The following SEZ6L variants were observed in gnomAD, a reference collection of about 807,000 sequenced individuals.
SEZ6L encodes seizure related 6 homolog like, also known as seizure 6-like protein.
A neutral mutation model predicts 106.2 loss-of-function variants in SEZ6L; 37 were observed. The ratio of observed to expected loss-of-function variants is 0.35; its 90% confidence interval spans 0.27 to 0.46. The LOEUF (loss-of-function observed/expected upper bound fraction) is 0.46, where lower values mean the gene tolerates loss of function less well. Among genes scored for constraint, SEZ6L ranks in the 20% least tolerant of loss-of-function variants. The pLI, the probability that SEZ6L is intolerant of heterozygous loss-of-function variation, is 1.00. For synonymous variants in SEZ6L, 541 were observed against 570.4 expected (o/e 0.95, Z 0.73); for missense variants, 1,172 against 1,332.8 (o/e 0.88, Z 1.88).
At chr22:26,190,175 T>G (rs1940098261) in intron 1 of SEZ6L, among the ~76,000 whole-genome samples, 1 of 151,676 alleles carries the variant, frequency 6.6e-6, no homozygotes, top group African/African-American at 2.4e-5. Context: ...CTTTGACCAT[T>G]TGGAAGTTTT....
At chr22:26,240,103 C>T (rs1239661455) in intron 1 of SEZ6L, among the ~76,000 whole-genome samples, 1 of 151,742 alleles carries the variant, frequency 6.6e-6, no homozygotes, top group South Asian at 2.1e-4. Flanking sequence ...CACACACACA[C>T]ACACACACAC....
At chr22:26,355,261 T>C (rs1406861767) in intron 12 of SEZ6L, among the ~76,000 whole-genome samples, 1 of 152,210 alleles carries the variant, frequency 6.6e-6, no homozygotes, top group African/African-American at 2.4e-5. Context: ...TGAGTAGCTT[T>C]CCTGAGGTCA....
intron 1 of SEZ6L, among the ~76,000 whole-genome samples, chr22:26,246,830 T>G (rs944187660): frequency 8.5e-5 from 13 of 152,222 alleles, no homozygotes; most frequent in Non-Finnish European, 1.9e-4. Context: ...CCCCCTTCAT[T>G]AGCACAGTAC....
rs13057117 is a variant in SEZ6L at position 26,239,813 on chromosome 22, G to A, written c.95-52593G>A. On this transcript the variant is annotated intron_variant, in intron 1 of 16. Transcript: ENST00000248933. ...CCAAATGCATCCTGAACCTGCTGGC[G>A]TGACCTTCTGTTGCTGCATGCAGGC... Among the ~76,000 whole-genome samples the A allele has an allele frequency of 6.0e-3, 912 of 152,026 alleles. 16 individuals carry two copies. Among genetic ancestry groups the A allele is most frequent in the Admixed American group, 0.037 (565 of 15,266 alleles).
intron 3 of SEZ6L, among the ~76,000 whole-genome samples, chr22:26,295,747 T>C (rs963695860): frequency 2.1e-4 from 32 of 152,292 alleles, no homozygotes; most frequent in Admixed American, 1.6e-3. Flanking sequence ...GGCAAAGCTG[T>C]TGACACAGGA....
intron 1 of SEZ6L, among the ~76,000 whole-genome samples, chr22:26,290,828 C>T (rs2081086249): frequency 6.6e-6 from 1 of 152,238 alleles, no homozygotes; most frequent in Non-Finnish European, 1.5e-5. Context: ...CTCTGCCCAG[C>T]CTCCAAGCCT....
At chr22:26,213,543 C>A (rs377497276) in intron 1 of SEZ6L, among the ~76,000 whole-genome samples, 1 of 152,192 alleles carries the variant, frequency 6.6e-6, no homozygotes, top group Non-Finnish European at 1.5e-5. Flanking sequence ...ATCACTAACC[C>A]GGGGCTATCC....
At chr22:26,375,763 C>T in intron 15 of SEZ6L, 74 bp downstream of exon 15, 2 of 1,117,594 alleles carry the variant, frequency 1.8e-6, no homozygotes, top group Non-Finnish European at 2.6e-6. Context: ...CGGTTCACCT[C>T]TCTGAGCCTC....
At chr22:26,373,553 T>G in intron 14 of SEZ6L, 70 bp downstream of exon 14, 1 of 1,165,354 alleles carries the variant, frequency 8.6e-7, no homozygotes, top group Non-Finnish European at 1.2e-6. Context: ...GGGCAGGTCT[T>G]TGAATATCTT....
At chr22:26,226,661 C>A (rs1178409010) in intron 1 of SEZ6L, among the ~76,000 whole-genome samples, 1 of 152,148 alleles carries the variant, frequency 6.6e-6, no homozygotes, top group African/African-American at 2.4e-5. Context: ...ACTGAACACC[C>A]AACCCCCTCC....
chr22:26,170,110 C>A (rs1350556170), intron 1 of SEZ6L, among the ~76,000 whole-genome samples: 1 of 152,074 alleles, frequency 6.6e-6, no homozygotes, highest in African/African-American at 2.4e-5. Context: ...TGCAACCGCA[C>A]CCGGGGCTAG....
chr22:26,284,604 CAAAAAAAAAAAAAA>C (rs137198), intron 1 of SEZ6L, among the ~76,000 whole-genome samples: 1 of 64,034 alleles, frequency 1.6e-5, no homozygotes, highest in Non-Finnish European at 3.2e-5. Flanking sequence ...ATCAGGACTC[CAAAAAAAAAAAAAA>C]AAAAAAAAAA....
At chr22:26,302,002 T>C (rs2081468308) in intron 5 of SEZ6L, among the ~76,000 whole-genome samples, 1 of 152,088 alleles carries the variant, frequency 6.6e-6, no homozygotes, top group South Asian at 2.1e-4. Context: ...GCAAAAATGA[T>C]TGAGGATGGT....
rs180783604 is a variant in SEZ6L at position 26,352,061 on chromosome 22, T to C, written c.2599+818T>C. On this transcript the variant is annotated intron_variant, in intron 12 of 16. Coordinates refer to ENST00000248933, the MANE Select transcript of SEZ6L (RefSeq NM_021115.5). ...CTATTATCCCAGCTGCTCAGGAGGCTGAGGTGGGAGGATTGCTTGAGCCCA... is the reference window on the plus strand; with the variant it reads ...CTATTATCCCAGCTGCTCAGGAGGCCGAGGTGGGAGGATTGCTTGAGCCCA... Among the ~76,000 whole-genome samples, 60 of 150,928 alleles carry C rather than the reference T, an allele frequency of 4.0e-4. No individual in the cohort carries two copies. The East Asian group carries it at 0.011, about 28-fold the overall frequency.
At chr22:26,330,569 G>T (rs2082449321) in intron 9 of SEZ6L, among the ~76,000 whole-genome samples, 1 of 152,128 alleles carries the variant, frequency 6.6e-6, no homozygotes, top group South Asian at 2.1e-4. Flanking sequence ...AAGGGTCTAG[G>T]AGCTGCAAGG....
Position 26,336,563 on chromosome 22 carries a change from T to TA in SEZ6L, c.2016-3873_2016-3872insA, listed in dbSNP as rs150780805. On this transcript the variant is annotated intron_variant, in intron 9 of 16. Transcript: ENST00000248933. ...GAAAGTGGAAATCCACTGCACCTAT[T>TA]GTCTTGTTCTTAGCTTAGGGAGACA... Among the ~76,000 whole-genome samples, 12 of 152,304 alleles carry TA rather than the reference T, an allele frequency of 7.9e-5. No homozygotes were observed. The East Asian group carries it at 1.9e-3, about 24-fold the overall frequency.
rs146955376 is a variant in SEZ6L, at chr22:26,241,575, C to T, written c.95-50831C>T. On this transcript the variant is annotated intron_variant, in intron 1 of 16. Coordinates refer to ENST00000248933, the MANE Select transcript of SEZ6L (RefSeq NM_021115.5). ...CGTTCAATACATAGCAATTACACGG[C>T]GAGTTTTGCTCATTAGCGGGAAATT... is the stretch of plus-strand genomic sequence containing the variant. 5.1e-3 allele frequency among the ~76,000 whole-genome samples: 774 copies of T among 152,224 alleles called. 2 individuals are homozygous for T. Among genetic ancestry groups the T allele is most frequent in the Non-Finnish European group, 8.0e-3 (542 of 68,034 alleles).
chr22:26,169,777 G>T lies in SEZ6L; in HGVS notation c.94+14G>T, dbSNP rs1269461000. ...CGCTGGAGCGAGGTAAGCGCCCCGA[G>T]GGGCGGGGCGGGCAGGGGGCAAAGT... On this transcript the variant is annotated intron_variant, in intron 1 of 16. Transcript: ENST00000248933. The T allele has an allele frequency of 9.8e-6, 12 of 1,224,878 alleles. No homozygotes were observed. The highest frequency in any genetic ancestry group is 4.2e-5 in the Admixed American group (1 of 23,658). 75.9% of individuals were successfully genotyped at this position (1,224,878 alleles called of 1,614,324 possible).
chr22:26,173,423 G>A lies in SEZ6L; in HGVS notation c.94+3660G>A, dbSNP rs146986544. ...AGATGAGAATTTGACCTTGCCTGGTGCAGACACCCTTCCCTTCCAAACTCT... is the reference window on the plus strand; with the variant it reads ...AGATGAGAATTTGACCTTGCCTGGTACAGACACCCTTCCCTTCCAAACTCT... On this transcript the variant is annotated intron_variant, in intron 1 of 16. Coordinates refer to ENST00000248933, the MANE Select transcript of SEZ6L (RefSeq NM_021115.5). Among the ~76,000 whole-genome samples the A allele has an allele frequency of 2.0e-5, 3 of 152,324 alleles. No individual in the cohort carries two copies. The East Asian group carries it at 5.8e-4, about 29-fold the overall frequency.
Sources: allele counts gnomAD v4.1 joint callset (sites outside exome capture counted in the v4.1 genomes callset), GRCh38; gene constraint gnomAD v4.1.1; transcripts MANE v1.5; gene names NCBI Gene and HGNC (gene_info 2026-07-23, HGNC 2026-07-21).